ANO3: variants seen among roughly 807,000 people sequenced by gnomAD.
The protein encoded by ANO3 is anoctamin 3.
A neutral mutation model predicts 144.8 loss-of-function variants in ANO3; 99 were observed. The ratio of observed to expected loss-of-function variants is 0.68; its 90% CI spans 0.58 to 0.81. The LOEUF is 0.81. Ranked by LOEUF, ANO3 falls within the 30% of genes least tolerant of loss-of-function variation. ANO3 has a pLI of 0.00. For synonymous variants in ANO3, 414 were observed against 392.6 expected, an observed-to-expected ratio of 1.05 and a Z score of -0.64; for missense variants, 905 against 1,202.2, an observed-to-expected ratio of 0.75 and a Z score of 3.66.
intron 1 of ANO3, among the ~76,000 whole-genome samples, chr11:26,252,072 A>G (rs1023943185): frequency 6.6e-6 from 1 of 152,320 alleles, no homozygotes; most frequent in Admixed American, 6.5e-5. Flanking sequence ...TCAATAATTT[A>G]AATACATAAC....
At chr11:26,196,151 C>T (rs1316315195) in intron 1 of ANO3, among the ~76,000 whole-genome samples, 1 of 152,100 alleles carries the variant, frequency 6.6e-6, no homozygotes, top group Non-Finnish European at 1.5e-5. Context: ...TTAATTCCTG[C>T]AACTACATGA....
At chr11:26,614,844 T>C (rs1565144063) in intron 17 of ANO3, among the ~76,000 whole-genome samples, 1 of 152,186 alleles carries the variant, frequency 6.6e-6, no homozygotes, top group Non-Finnish European at 1.5e-5. Flanking sequence ...ACATAAATTT[T>C]ACCATTCCCC....
chr11:26,596,935 A>G (rs111371096), intron 14 of ANO3, among the ~76,000 whole-genome samples: 483 of 152,306 alleles, frequency 3.2e-3, no homozygotes, highest in African/African-American at 0.011. Context: ...TTCCAGGCAG[A>G]ACAAAGCTCC....
At chr11:26,370,767 T>C (rs922073722) in intron 1 of ANO3, among the ~76,000 whole-genome samples, 1 of 152,184 alleles carries the variant, frequency 6.6e-6, no homozygotes, top group South Asian at 2.1e-4. Flanking sequence ...AAGGTCACTC[T>C]TGTTATGCAA....
chr11:26,584,807 A>G (rs981664878), intron 14 of ANO3, among the ~76,000 whole-genome samples: 1 of 152,184 alleles, frequency 6.6e-6, no homozygotes, highest in African/African-American at 2.4e-5. Flanking sequence ...TTGTGACTCT[A>G]TGATTCTGAT....
intron 1 of ANO3, among the ~76,000 whole-genome samples, chr11:26,218,407 T>C (rs1276666736): frequency 1.3e-5 from 2 of 152,168 alleles, no homozygotes; most frequent in African/African-American, 4.8e-5. Context: ...TATTTTCTTA[T>C]GCTAGTTCCT....
intron 1 of ANO3, among the ~76,000 whole-genome samples, chr11:26,261,604 G>A (rs1841571): frequency 4.4e-4 from 67 of 152,228 alleles, no homozygotes; most frequent in Admixed American, 1.5e-3. Flanking sequence ...ACCCATGGCT[G>A]GCCATAATGA....
intron 1 of ANO3, among the ~76,000 whole-genome samples, chr11:26,372,589 T>C (rs1856292189): frequency 6.6e-6 from 1 of 152,242 alleles, no homozygotes; most frequent in Admixed American, 6.5e-5. Context: ...CTATCTCAAT[T>C]ATTTTCTTTA....
chr11:26,460,761 G>A (rs978704714), intron 3 of ANO3, among the ~76,000 whole-genome samples: 6 of 151,952 alleles, frequency 3.9e-5, no homozygotes, highest in African/African-American at 1.4e-4. Context: ...AATAGGAGCA[G>A]GAAATGAGTA....
At chr11:26,501,516 C>T (rs1861192734) in intron 4 of ANO3, among the ~76,000 whole-genome samples, 1 of 151,508 alleles carries the variant, frequency 6.6e-6, no homozygotes, top group South Asian at 2.1e-4. Flanking sequence ...CTTGTTACAT[C>T]CTTGTTTTGC....
intron 1 of ANO3, among the ~76,000 whole-genome samples, chr11:26,281,671 A>T (rs1005377242): frequency 6.6e-6 from 1 of 152,204 alleles, no homozygotes; most frequent in African/African-American, 2.4e-5. Flanking sequence ...AAATAAAAAT[A>T]TTTTGTCAGG....
intron 14 of ANO3, among the ~76,000 whole-genome samples, chr11:26,588,501 T>A (rs1474114603): frequency 6.6e-6 from 1 of 152,228 alleles, no homozygotes; most frequent in East Asian, 1.9e-4. Context: ...TGAGAAAGAT[T>A]CAATATATTT....
In ANO3 at chr11:26,531,225, G is replaced by C; in HGVS notation, c.758G>C (p.Arg253Thr). 1.9e-6 allele frequency: 3 copies of C among 1,613,962 alleles called. No homozygotes were observed. The highest frequency in any genetic ancestry group is 2.5e-6 in the Non-Finnish European group (3 of 1,179,962). The change falls in exon 8 of 27, where the codon AGA (arginine) becomes ACA (threonine). Residue 253 changes from arginine (R) to threonine (T), a missense_variant. Around this residue, in one of 4 missense-constraint regions of ANO3, gnomAD observed 71 missense variants for 57.9 expected, o/e 1.23. Transcript: ENST00000256737. ...SMGRMQTYFRRIKNWMAQNPM... is the reference protein window; with the variant it reads ...SMGRMQTYFRTIKNWMAQNPM... The stretch of plus-strand genomic sequence containing the variant: ...TCCAGGATGCAAACTTATTTTAGAA[G>C]AATCAAAAACTGGATGGCCCAAAAC...
intron 1 of ANO3, among the ~76,000 whole-genome samples, chr11:26,301,359 A>G (rs1209437606): frequency 6.6e-6 from 1 of 152,204 alleles, no homozygotes; most frequent in African/African-American, 2.4e-5. Context: ...TTCTTAGCTT[A>G]TTAAATGAGA....
rs1564923394 is a variant in ANO3, at chr11:26,223,610, A to AT, written c.154+34280_154+34281insT. ...CCATTCTAGCTTTTTAATAAAAAAA[A>AT]AAAAAAAAAAAACCCTGAGATTGGG... On this transcript the variant is annotated intron_variant, in intron 1 of 27. Coordinates refer to the ANO3 transcript ENST00000672621. Among the ~76,000 whole-genome samples, 69 of 151,792 alleles carry AT rather than the reference A, an allele frequency of 4.5e-4. No homozygotes were observed. In the East Asian group the frequency reaches 0.013, roughly 28 times the overall value.
chr11:26,215,666 C>A (rs1852021780), intron 1 of ANO3, among the ~76,000 whole-genome samples: 1 of 151,914 alleles, frequency 6.6e-6, no homozygotes, highest in East Asian at 1.9e-4. Flanking sequence ...GGTCTCTCAC[C>A]TGAAAGAAAA....
chr11:26,205,953 C>A (rs1851787996), intron 1 of ANO3, among the ~76,000 whole-genome samples: 1 of 152,172 alleles, frequency 6.6e-6, no homozygotes, highest in Non-Finnish European at 1.5e-5. Context: ...CGGCAGCCAA[C>A]AACAGTGTAT....
chr11:26,631,196 T>C (rs1852767316), intron 18 of ANO3, among the ~76,000 whole-genome samples: 2 of 152,074 alleles, frequency 1.3e-5, no homozygotes, highest in Admixed American at 1.3e-4. Context: ...GTCTTCTCTC[T>C]TTTCTCATAA....
At chr11:26,193,169 C>T (rs1325994255) in intron 1 of ANO3, among the ~76,000 whole-genome samples, 1 of 111,146 alleles carries the variant, frequency 9.0e-6, no homozygotes, top group Admixed American at 1.3e-4. Context: ...GAGATGGAGT[C>T]TCACTCTTGT....
Sources: allele counts gnomAD v4.1 joint callset (sites outside exome capture counted in the v4.1 genomes callset), GRCh38; gene constraint gnomAD v4.1.1; regional missense constraint gnomAD v4.1.1; transcripts MANE v1.5; gene names NCBI Gene and HGNC (gene_info 2026-07-23, HGNC 2026-07-21).